The following OPCML variants were observed in gnomAD, a reference collection of about 807,000 sequenced individuals.
The protein encoded by OPCML is opioid binding protein/cell adhesion molecule like.
OPCML carries 13 observed loss-of-function variants against 37.8 expected under a neutral mutation model. The ratio of observed to expected loss-of-function variants is 0.34; its 90% CI spans 0.22 to 0.55. The LOEUF is 0.55. Ranked by LOEUF, OPCML falls within the 20% of genes least tolerant of loss-of-function variation. The pLI is 0.91. For synonymous variants in OPCML, 176 were observed against 168.8 expected, an observed-to-expected ratio of 1.04 and a Z score of -0.33; for missense variants, 341 against 435.6, an observed-to-expected ratio of 0.78 and a Z score of 1.93.
intron 1 of OPCML, among the ~76,000 whole-genome samples, chr11:133,528,319 G>A (rs1948529628): frequency 1.3e-5 from 2 of 152,224 alleles, no homozygotes; most frequent in Admixed American, 1.3e-4. Flanking sequence ...AAGGGATTGA[G>A]GGCCACATGA....
At position 133,473,581 on chromosome 11, in the gene OPCML, A is replaced by T. The variant is rs548484847; in HGVS notation, c.61+58683T>A. Among the ~76,000 whole-genome samples, 105 of 152,252 alleles carry T rather than the reference A, an allele frequency of 6.9e-4. 1 individual carries two copies. The highest frequency in any genetic ancestry group is 1.1e-3 in the Non-Finnish European group (73 of 68,016). ...CCCCACAGAGAACAAAGGAAAACAA[A>T]ATCAGACGAGACTCAAAAAGAGAGG... On this transcript the variant is annotated intron_variant, in intron 1 of 7. Transcript: ENST00000524381.
At chr11:133,430,023 G>C (rs576267237) in intron 1 of OPCML, among the ~76,000 whole-genome samples, 4 of 152,276 alleles carry the variant, frequency 2.6e-5, no homozygotes, top group African/African-American at 9.6e-5. Context: ...CCTAGGTCCT[G>C]TCAGCACTAG....
chr11:132,596,668 C>T (rs1027293012), intron 3 of OPCML, among the ~76,000 whole-genome samples: 16 of 152,146 alleles, frequency 1.1e-4, no homozygotes, highest in Non-Finnish European at 2.1e-4. Flanking sequence ...GATTAGTAGA[C>T]TTGTTACCTA....
At chr11:133,014,562 G>A (rs904156036) in intron 1 of OPCML, among the ~76,000 whole-genome samples, 10 of 152,154 alleles carry the variant, frequency 6.6e-5, no homozygotes, top group Admixed American at 1.3e-4. Context: ...AGAGTCCAGA[G>A]GCTGTGGCCG....
chr11:132,445,883 T>G (rs1160800668), intron 4 of OPCML, among the ~76,000 whole-genome samples: 1 of 152,220 alleles, frequency 6.6e-6, no homozygotes, highest in Non-Finnish European at 1.5e-5. Context: ...TCCTGTCAAC[T>G]GTCAGCTTCT....
chr11:133,338,887 G>C (rs75227187), intron 1 of OPCML, among the ~76,000 whole-genome samples: 24 of 152,264 alleles, frequency 1.6e-4, no homozygotes, highest in African/African-American at 5.8e-4. Flanking sequence ...CAAAGAGCTG[G>C]CTTTTCTCAA....
intron 1 of OPCML, among the ~76,000 whole-genome samples, chr11:133,488,959 C>A (rs905738340): frequency 7.8e-6 from 1 of 127,744 alleles, no homozygotes; most frequent in Non-Finnish European, 1.6e-5. Context: ...TTGACAGGAT[C>A]AACAAAAATG....
chr11:133,117,207 A>G (rs1949350418), intron 1 of OPCML, among the ~76,000 whole-genome samples: 2 of 152,104 alleles, frequency 1.3e-5, no homozygotes, highest in African/African-American at 4.8e-5. Flanking sequence ...TTTTGTGAGC[A>G]CTTCTTTATT....
At chr11:132,485,304 C>T (rs2096196157) in intron 4 of OPCML, among the ~76,000 whole-genome samples, 2 of 152,156 alleles carry the variant, frequency 1.3e-5, no homozygotes, top group African/African-American at 4.8e-5. Flanking sequence ...CAGGAGCTAA[C>T]AGGTCTCACA....
chr11:133,202,670 C>A (rs968398149), intron 1 of OPCML, among the ~76,000 whole-genome samples: 1 of 152,186 alleles, frequency 6.6e-6, no homozygotes, highest in African/African-American at 2.4e-5. Context: ...TAGTAGCAAC[C>A]CACTCAGTTA....
intron 2 of OPCML, among the ~76,000 whole-genome samples, chr11:132,744,595 G>A (rs3019862): frequency 0.82 from 124,913 of 152,128 alleles, 52,467 homozygotes; most frequent in Non-Finnish European, 0.92. Context: ...TGTTATTGAG[G>A]AAAGAACAGT....
chr11:132,471,847 C>T (rs915994896), intron 4 of OPCML, among the ~76,000 whole-genome samples: 5 of 152,200 alleles, frequency 3.3e-5, no homozygotes, highest in Admixed American at 2.6e-4. Flanking sequence ...AAGAGCCCAT[C>T]CCATTCAATG....
chr11:132,772,617 G>T (rs1946677132), intron 2 of OPCML: 1 of 152,412 alleles, frequency 6.6e-6, no homozygotes, highest in Non-Finnish European at 1.5e-5. Flanking sequence ...CTGGGAAGTG[G>T]AGGGCTCAGT....
At chr11:133,420,779 A>C (rs1306428125) in intron 1 of OPCML, 10 of 985,310 alleles carry the variant, frequency 1.0e-5, no homozygotes, top group Admixed American at 6.1e-5. Context: ...GTTGAAATTC[A>C]ATTTTTCCCA....
At chr11:132,616,264 AT>A (rs904051870) in intron 3 of OPCML, among the ~76,000 whole-genome samples, 11 of 152,230 alleles carry the variant, frequency 7.2e-5, no homozygotes, top group African/African-American at 2.2e-4. Flanking sequence ...AGTTTACAAG[AT>A]TTTTACACAC....
intron 1 of OPCML, among the ~76,000 whole-genome samples, chr11:133,063,064 G>A (rs923711382): frequency 1.3e-5 from 2 of 152,228 alleles, no homozygotes; most frequent in South Asian, 2.1e-4. Context: ...TTGTATTCCA[G>A]TCATTGTCTC....
chr11:132,423,862 G>A (rs1239707829), intron 7 of OPCML, among the ~76,000 whole-genome samples: 2 of 152,142 alleles, frequency 1.3e-5, no homozygotes, highest in Non-Finnish European at 2.9e-5. Flanking sequence ...TGGTTTTGAA[G>A]GAACTATTCA....
chr11:132,662,241 C>T (rs1016267821), intron 2 of OPCML, among the ~76,000 whole-genome samples: 8 of 152,070 alleles, frequency 5.3e-5, no homozygotes, highest in South Asian at 2.1e-4. Context: ...AACAAGTTCC[C>T]GGATACTGCG....
intron 2 of OPCML, among the ~76,000 whole-genome samples, chr11:132,658,649 T>G (rs566923983): frequency 1.8e-4 from 27 of 152,126 alleles, no homozygotes; most frequent in Non-Finnish European, 3.7e-4. Flanking sequence ...CGCTGAGAAG[T>G]TGGGTAGGGA....
Sources: gnomAD v4.1 joint callset for allele counts (sites outside exome capture counted in the v4.1 genomes callset) on GRCh38, gnomAD v4.1.1 for gene constraint, MANE v1.5 for transcripts, NCBI Gene and HGNC (gene_info 2026-07-23, HGNC 2026-07-21) for gene names.